Variants in IQCF2 observed in about 807,000 individuals in gnomAD.
The protein encoded by IQCF2 is IQ domain-containing protein F2.
IQCF2 carries 6 observed loss-of-function variants against 7.0 expected under a neutral mutation model. The ratio of observed to expected loss-of-function variants is 0.86; its 90% CI spans 0.47 to 1.70. The LOEUF is 1.70. IQCF2 is among the 40% of genes most tolerant of loss of function. The pLI is 0.01. For missense variants in IQCF2, 174 were observed against 204.6 expected, an observed-to-expected ratio of 0.85 and a Z score of 0.91; for synonymous variants, 67 against 74.0, an observed-to-expected ratio of 0.91 and a Z score of 0.48.
chr3:51,861,744 T>C, intron 1 of IQCF2, 60 bp downstream of exon 1: 2 of 1,599,816 alleles, frequency 1.3e-6, no homozygotes, highest in Non-Finnish European at 1.7e-6. Flanking sequence ...CTCCCTGGGC[T>C]TTACAGGACT....
chr3:51,862,402 CAAAAAAAAAA>C (rs3058059), intron 2 of IQCF2, among the ~76,000 whole-genome samples: 3 of 93,168 alleles, frequency 3.2e-5, no homozygotes, highest in South Asian at 4.4e-4. Context: ...GACTCCTTCT[CAAAAAAAAAA>C]AAAAAAAAAA....
chr3:51,862,047 A>G (rs1698643469), intron 2 of IQCF2, 97 bp downstream of exon 2: 1 of 821,726 alleles, frequency 1.2e-6, no homozygotes, highest in African/African-American at 1.7e-5. Context: ...GGGTCTAATT[A>G]GGAGTCAACT....
chr3:51,863,141 G>A lies in IQCF2; in HGVS notation c.266G>A (p.Arg89Gln), dbSNP rs757511894. 28 of 1,614,078 alleles carry A rather than the reference G, an allele frequency of 1.7e-5. No homozygotes were observed. The highest frequency in any genetic ancestry group is 5.3e-5 in the African/African-American group (4 of 74,926). Residue 89 changes from arginine (R) to glutamine (Q), a missense_variant, in exon 3 of 3, where the codon CGG (arginine) becomes CAG (glutamine). By Grantham distance (43) the Arg-to-Gln change is conservative. Transcript: ENST00000333127. ...CTGTCGAGGGTGCTGGAGAAGAAAC[G>A]GCAGGCAGCTCTGATCGCCTACGCA... Reference protein sequence around the residue: ...MTLSRVLEKKRQAALIAYATR... With the variant: ...MTLSRVLEKKQQAALIAYATR...
intron 1 of IQCF2, 45 bp from the exon 2 acceptor site, chr3:51,861,811 AAC>A (rs1410344191): frequency 1.0e-5 from 16 of 1,568,970 alleles, no homozygotes; most frequent in Non-Finnish European, 1.4e-5. Flanking sequence ...CATAGAGAGA[AAC>A]AGTCTTAACT....
chr3:51,862,938 AAG>A (rs1219150528), intron 2 of IQCF2, 47 bp from the exon 3 acceptor site: 2 of 1,542,676 alleles, frequency 1.3e-6, no homozygotes, highest in African/African-American at 2.7e-5. Flanking sequence ...AAGATCCTAG[AAG>A]TTGGTGGCAG....
chr3:51,861,749 A>G (rs2107211019), intron 1 of IQCF2, 65 bp downstream of exon 1: 3 of 1,597,450 alleles, frequency 1.9e-6, no homozygotes, highest in East Asian at 4.5e-5. Flanking sequence ...TGGGCTTTAC[A>G]GGACTTGAGA....
In IQCF2 at chr3:51,862,968, C is replaced by T. The variant is rs1698653707; in HGVS notation, c.112-19C>T. The T allele has an allele frequency of 3.8e-6, 6 of 1,577,078 alleles. No homozygotes were observed. Among genetic ancestry groups the T allele is most frequent in the Non-Finnish European group, 4.3e-6 (5 of 1,161,434 alleles). The stretch of plus-strand genomic sequence containing the variant: ...GGTGGCAGGAAGTTTTCTGACTGAT[C>T]GCTCTTGTCTCTGCCTAGGAAAAAC... On this transcript the variant is annotated intron_variant, in intron 2 of 2. Transcript: ENST00000333127.
rs756455725 is a variant in IQCF2 at position 51,863,216 on chromosome 3, G to A, written c.341G>A (p.Arg114His). 2.0e-5 allele frequency: 33 copies of A among 1,614,194 alleles called. No homozygotes were observed. Among genetic ancestry groups the A allele is most frequent in the Middle Eastern group, 1.6e-4 (1 of 6,062 alleles). ...CTCCAGTCTTTGGTCCGTATGTGGC[G>A]TGTCCGCTGGCGATACTGCCAGGTG... ...IKLQSLVRMW[R>H]VRWRYCQVLN... Residue 114 changes from arginine (R) to histidine (H), a missense_variant, in exon 3 of 3, where the codon CGT becomes CAT. Coordinates refer to ENST00000333127, the MANE Select transcript of IQCF2 (RefSeq NM_203424.2).
rs772723308 is a variant in IQCF2, at chr3:51,862,987, G to GA, written c.117dup (p.Leu40ThrfsTer2). The GA allele has an allele frequency of 6.3e-7, 1 of 1,599,110 alleles. No homozygotes were observed. The highest frequency in any genetic ancestry group is 8.5e-7 in the Non-Finnish European group (1 of 1,171,076). ...ACTGATCGCTCTTGTCTCTGCCTAG[G>GA]AAAAACTTAGAATAAGAACAAAAGC... On this transcript the variant is annotated frameshift_variant and splice_region_variant, in exon 3 of 3. Transcript: ENST00000333127. LOFTEE classifies it low-confidence loss of function (END_TRUNC).
chr3:51,863,017 G>A lies in IQCF2; in HGVS notation c.142G>A (p.Val48Ile), dbSNP rs201872482. Residue 48 changes from valine to isoleucine, a missense_variant, in exon 3 of 3, where the codon GTA (valine) becomes ATA (isoleucine). Val to Ile is a conservative substitution (Grantham distance 29, BLOSUM62 3). Coordinates refer to ENST00000333127, the MANE Select transcript of IQCF2 (RefSeq NM_203424.2). ...ACTTAGAATAAGAACAAAAGCAGCTGTAAAGATCCAGGCCTGGTGGCGGGG... is the reference window on the plus strand; with the variant it reads ...ACTTAGAATAAGAACAAAAGCAGCTATAAAGATCCAGGCCTGGTGGCGGGG... Reference protein sequence around the residue: ...EKLRIRTKAAVKIQAWWRGTL... With the variant: ...EKLRIRTKAAIKIQAWWRGTL... The A allele has an allele frequency of 2.5e-6, 4 of 1,612,374 alleles. No individual in the cohort carries two copies. The highest frequency in any genetic ancestry group is 3.4e-6 in the Non-Finnish European group (4 of 1,178,830).
chr3:51,861,972 T>C (rs899630888), intron 2 of IQCF2, 22 bp downstream of exon 2: 2 of 1,545,280 alleles, frequency 1.3e-6, no homozygotes, highest in African/African-American at 1.4e-5. Context: ...TCCATGTACT[T>C]AAGAGAAATC....
Position 51,863,281 on chromosome 3 carries a change from C to T in IQCF2, c.406C>T (p.His136Tyr). ...CATCATCCAGGGCCACTGGCAATGC[C>T]ACAACTGCCAGACCTGCGCTCTCCT... is the stretch of plus-strand genomic sequence containing the variant. ...IYIIQGHWQC[H>Y]NCQTCALLQG... Residue 136 changes from histidine (H) to tyrosine (Y), a missense_variant, in exon 3 of 3, where the codon CAC becomes TAC. His to Tyr is a moderately conservative substitution (Grantham distance 83). Transcript: ENST00000333127. 6.2e-7 allele frequency: 1 copy of T among 1,614,210 alleles called. No individual in the cohort carries two copies. Among genetic ancestry groups the T allele is most frequent in the Non-Finnish European group, 8.5e-7 (1 of 1,180,030 alleles).
chr3:51,863,417 A>G lies in IQCF2; in HGVS notation c.*47A>G, dbSNP rs768539999. ...TGTCTACTGTCCCTATTAAAGGTCT[A>G]ACCTGGTCTGGTGTGTCTCATGGGC... On this transcript the variant is annotated 3_prime_UTR_variant, in exon 3 of 3. Transcript: ENST00000333127. 8.9e-6 allele frequency: 14 copies of G among 1,565,774 alleles called. No homozygotes were observed. The highest frequency in any genetic ancestry group is 1.9e-4 in the Middle Eastern group (1 of 5,248).
intron 2 of IQCF2, among the ~76,000 whole-genome samples, chr3:51,862,286 C>A (rs756674649): frequency 6.6e-6 from 1 of 150,774 alleles, no homozygotes; most frequent in Non-Finnish European, 1.5e-5. Context: ...GTAGTCCCAG[C>A]TATGCTACTC....
At position 51,861,932 on chromosome 3, in the gene IQCF2, G is replaced by A. The variant is rs778183476; in HGVS notation, c.93G>A (p.Lys31=). The A allele has an allele frequency of 6.2e-7, 1 of 1,612,588 alleles. No individual in the cohort carries two copies. The highest frequency in any genetic ancestry group is 8.5e-7 in the Non-Finnish European group (1 of 1,178,716). ...ESIEWKTLQK[K]KQQKIKEKLR... The stretch of plus-strand genomic sequence containing the variant: ...TTGAATGGAAGACATTGCAGAAGAA[G>A]AAACAGCAGAAAATCAAGGTGAGAA... The change falls in exon 2 of 3, where the codon AAG becomes AAA. Residue 31 remains lysine, a synonymous_variant. Coordinates refer to ENST00000333127, the MANE Select transcript of IQCF2 (RefSeq NM_203424.2).
intron 2 of IQCF2, among the ~76,000 whole-genome samples, chr3:51,862,176 GAT>G (rs1698645314): frequency 6.6e-6 from 1 of 152,114 alleles, no homozygotes; most frequent in African/African-American, 2.4e-5. Context: ...GAGACAGGCA[GAT>G]CATGAGGTCA....
intron 1 of IQCF2, 45 bp downstream of exon 1, chr3:51,861,729 G>A: frequency 6.2e-7 from 1 of 1,610,658 alleles, no homozygotes; most frequent in Non-Finnish European, 8.5e-7. Flanking sequence ...GGAATGGGTG[G>A]GTATCTCCCT....
Position 51,863,080 on chromosome 3 carries a change from A to G in IQCF2, c.205A>G (p.Arg69Gly), listed in dbSNP as rs375563868. ...CAGGACACTGCTGCATGCAGCCCTC[A>G]GGGCCTGGATAATTCAGTGCTGGTG... The part of the protein sequence containing the change: ...VRRTLLHAAL[R>G]AWIIQCWWRM... Residue 69 changes from arginine to glycine, a missense_variant, in exon 3 of 3, where the codon AGG becomes GGG. By Grantham distance (125) the Arg-to-Gly change is moderately radical. Coordinates refer to ENST00000333127, the MANE Select transcript of IQCF2 (RefSeq NM_203424.2). 20 of 1,614,264 alleles carry G rather than the reference A, an allele frequency of 1.2e-5. 1 individual carries two copies. Among genetic ancestry groups the G allele is most frequent in the Non-Finnish European group, 1.6e-5 (19 of 1,180,048 alleles).
At chr3:51,862,387 A>C (rs1421293959) in intron 2 of IQCF2, among the ~76,000 whole-genome samples, 1 of 125,900 alleles carries the variant, frequency 7.9e-6, no homozygotes. Context: ...TGGGCAACAG[A>C]GCGAGACTCC....
Sources: allele counts gnomAD v4.1 joint callset (sites outside exome capture counted in the v4.1 genomes callset), GRCh38; gene constraint gnomAD v4.1.1; transcripts MANE v1.5; gene names NCBI Gene and HGNC (gene_info 2026-07-23, HGNC 2026-07-21).